Variants in SYNE1 observed in about 807,000 individuals in gnomAD.
SYNE1 encodes the protein nesprin-1.
A neutral mutation model predicts 1,111.0 loss-of-function variants in SYNE1; 616 were observed. That is an observed-to-expected ratio of 0.55 (90% confidence interval 0.52 to 0.59). The LOEUF (loss-of-function observed/expected upper bound fraction) is 0.59. Among genes scored for constraint, SYNE1 ranks in the 20% least tolerant of loss-of-function variants. The pLI is 0.00. For synonymous variants in SYNE1, 3,855 were observed against 3,825.8 expected (o/e 1.01, Z -0.28); for missense variants, 10,006 against 10,417.0 (o/e 0.96, Z 1.72).
chr6:152,339,756 C>A (rs1424652480), intron 74 of SYNE1, among the ~76,000 whole-genome samples: 1 of 152,214 alleles, frequency 6.6e-6, no homozygotes, highest in African/African-American at 2.4e-5. Context: ...AGGCAAAGGT[C>A]CGTGAGTTGG....
In SYNE1 at chr6:152,365,614, C is replaced by A. The variant is rs2097059307; in HGVS notation, c.9973-595G>T. Among the ~76,000 whole-genome samples, 3 of 151,714 alleles carry A rather than the reference C, an allele frequency of 2.0e-5. No homozygotes were observed. In the South Asian group the frequency reaches 6.2e-4, roughly 31 times the overall value. ...AGCTGGGACTACAGGCATATGCTGC[C>A]ATGGCCAGCTAATTTAAATGTTTTT... On this transcript the variant is annotated intron_variant, in intron 62 of 145. Transcript: ENST00000367255.
chr6:152,189,752 T>C (rs917092827), intron 127 of SYNE1, among the ~76,000 whole-genome samples: 1 of 152,240 alleles, frequency 6.6e-6, no homozygotes, highest in Non-Finnish European at 1.5e-5. Context: ...AAAATGCTAA[T>C]GATCATCTGA....
intron 118 of SYNE1, 32 bp downstream of exon 118, chr6:152,221,394 T>C: frequency 6.2e-7 from 1 of 1,611,494 alleles, no homozygotes; most frequent in Non-Finnish European, 8.5e-7. Context: ...GGCTGTGATA[T>C]AAATAGTGTG....
At position 152,286,263 on chromosome 6, in the gene SYNE1, C is replaced by G. The variant is rs927845640; in HGVS notation, c.18013-2091G>C. Among the ~76,000 whole-genome samples the G allele has an allele frequency of 7.9e-5, 12 of 152,170 alleles. No individual in the cohort carries two copies. The East Asian group carries it at 9.6e-4, about 12-fold the overall frequency. On this transcript the variant is annotated intron_variant, in intron 95 of 145. Coordinates refer to ENST00000367255, the MANE Select transcript of SYNE1 (RefSeq NM_182961.4). ...CAAGAAATGGAATATTTCCAGGATT[C>G]TATAAGCTCTTTTGACCTCCTCCTT... is the stretch of plus-strand genomic sequence containing the variant.
chr6:152,442,325 CAG>C, intron 30 of SYNE1, 80 bp from the exon 31 acceptor site: 3 of 1,553,796 alleles, frequency 1.9e-6, no homozygotes, highest in South Asian at 2.2e-5. Context: ...CCACGCTTAA[CAG>C]AAGTACAGAA....
At chr6:152,359,181 A>C in intron 65 of SYNE1, 134 bp downstream of exon 65, 1 of 1,302,630 alleles carries the variant, frequency 7.7e-7, no homozygotes, top group Non-Finnish European at 1.1e-6. Flanking sequence ...ATTCCTTTAA[A>C]ATATTAAAAA....
intron 3 of SYNE1, among the ~76,000 whole-genome samples, chr6:152,576,456 T>G (rs796563397): frequency 5.9e-5 from 9 of 152,308 alleles, no homozygotes; most frequent in African/African-American, 2.2e-4. Context: ...CAATTTGGTG[T>G]GTTTTCCTTT....
intron 3 of SYNE1, among the ~76,000 whole-genome samples, chr6:152,585,719 T>C (rs2099535970): frequency 6.6e-6 from 1 of 152,150 alleles, no homozygotes; most frequent in African/African-American, 2.4e-5. Context: ...GATTTCCCCA[T>C]TACTAGATTA....
At chr6:152,289,703 T>C (rs2094491947) in intron 95 of SYNE1, among the ~76,000 whole-genome samples, 1 of 152,226 alleles carries the variant, frequency 6.6e-6, no homozygotes, top group Admixed American at 6.5e-5. Flanking sequence ...CTCGGTTCAC[T>C]GCAAGCTCCG....
intron 7 of SYNE1, 50 bp downstream of exon 7, chr6:152,510,961 T>A (rs1277867960): frequency 6.6e-7 from 1 of 1,524,500 alleles, no homozygotes; most frequent in Non-Finnish European, 9.1e-7. Context: ...GCCACCATGA[T>A]CTCCCTCTGA....
rs1241030041 is a variant in SYNE1 at position 152,606,831 on chromosome 6, T to C, written c.67+21434A>G. Among the ~76,000 whole-genome samples the C allele has an allele frequency of 6.0e-5, 9 of 149,362 alleles. No homozygotes were observed. In the East Asian group the frequency reaches 1.8e-3, roughly 30 times the overall value. On this transcript the variant is annotated intron_variant, in intron 3 of 145. Transcript: ENST00000367255. ...CCCGGCTAAATTTTTTTTTTATATA[T>C]TTTTAGTAGAGATGGGGTTTCACCA...
At chr6:152,202,371 C>CA (rs11350427) in intron 126 of SYNE1, among the ~76,000 whole-genome samples, 50 of 111,010 alleles carry the variant, frequency 4.5e-4, no homozygotes, top group South Asian at 1.3e-3. Context: ...AAAAAAAAAG[C>CA]AAAAAAAAAA....
intron 145 of SYNE1, among the ~76,000 whole-genome samples, chr6:152,124,486 C>G (rs1302006534): frequency 2.0e-5 from 3 of 152,222 alleles, no homozygotes; most frequent in African/African-American, 7.2e-5. Context: ...CACTTCATCT[C>G]TAGGTGTCAA....
intron 128 of SYNE1, among the ~76,000 whole-genome samples, chr6:152,182,135 A>T (rs1488143660): frequency 6.6e-6 from 1 of 152,196 alleles, no homozygotes; most frequent in Admixed American, 6.5e-5. Context: ...TTTCTTATAC[A>T]TTATATATAT....
At chr6:152,547,631 T>C (rs1289524360) in intron 3 of SYNE1, among the ~76,000 whole-genome samples, 1 of 152,210 alleles carries the variant, frequency 6.6e-6, no homozygotes, top group Non-Finnish European at 1.5e-5. Flanking sequence ...TTCTTATTCC[T>C]AGTCTTTCCA....
intron 3 of SYNE1, among the ~76,000 whole-genome samples, chr6:152,607,533 A>G (rs936235829): frequency 7.9e-5 from 12 of 152,206 alleles, no homozygotes; most frequent in Non-Finnish European, 1.6e-4. Flanking sequence ...TTAAAAAGTC[A>G]AGAAACAACA....
intron 108 of SYNE1, among the ~76,000 whole-genome samples, chr6:152,237,624 A>G (rs1380554073): frequency 6.6e-6 from 1 of 152,120 alleles, no homozygotes; most frequent in Non-Finnish European, 1.5e-5. Context: ...CCAGGTATGT[A>G]TGGTTTTATT....
chr6:152,138,552 TAAATA>T lies in SYNE1; in HGVS notation c.25458+1393_25458+1397del, dbSNP rs1341565010. On this transcript the variant is annotated intron_variant, in intron 140 of 145. Coordinates refer to ENST00000367255, the MANE Select transcript of SYNE1 (RefSeq NM_182961.4). ...ATAAATAAATAAATAAATAAATAAA[TAAATA>T]AAATAAAACAAAATCACACAATCAC... Among the ~76,000 whole-genome samples the T allele has an allele frequency of 2.8e-4, 38 of 135,988 alleles. 1 individual carries two copies. The highest frequency in any genetic ancestry group is 9.6e-4 in the African/African-American group (35 of 36,646). 89.2% of individuals were successfully genotyped at this position (135,988 alleles called of 152,430 possible).
chr6:152,310,350 A>G, intron 89 of SYNE1, 46 bp downstream of exon 89: 2 of 1,612,452 alleles, frequency 1.2e-6, no homozygotes, highest in Non-Finnish European at 8.5e-7. Context: ...CCTCTTTTAA[A>G]AATATAGGTC....
Sources: gnomAD v4.1 joint callset for allele counts (sites outside exome capture counted in the v4.1 genomes callset) on GRCh38, gnomAD v4.1.1 for gene constraint, MANE v1.5 for transcripts, NCBI Gene and HGNC (gene_info 2026-07-23, HGNC 2026-07-21) for gene names.